Variants in PDCD11 observed in about 807,000 individuals in gnomAD.
PDCD11 encodes the protein programmed cell death 11, also known as protein RRP5 homolog.
Under a neutral mutation model 198.9 loss-of-function variants are expected in PDCD11, and 97 were observed. The ratio of observed to expected loss-of-function variants is 0.49; its 90% CI spans 0.41 to 0.58. PDCD11 has a LOEUF of 0.58. Ranked by LOEUF, PDCD11 falls within the 20% of genes least tolerant of loss-of-function variation. PDCD11 has a pLI of 0.00. For synonymous variants in PDCD11, 893 were observed against 918.0 expected (o/e 0.97, Z 0.49); for missense variants, 2,102 against 2,312.7 (o/e 0.91, Z 1.87).
intron 21 of PDCD11, among the ~76,000 whole-genome samples, chr10:103,428,548 A>T (rs1033764274): frequency 1.3e-5 from 2 of 152,232 alleles, no homozygotes; most frequent in African/African-American, 4.8e-5. Flanking sequence ...TTCAGCCTGC[A>T]GTATCTTCAA....
chr10:103,407,021 A>G (rs2030497152), intron 7 of PDCD11, among the ~76,000 whole-genome samples: 2 of 152,328 alleles, frequency 1.3e-5, no homozygotes, highest in South Asian at 2.1e-4. Flanking sequence ...CTAAAATGTG[A>G]CTGCTAGAAA....
At chr10:103,439,717 C>T in intron 27 of PDCD11, 29 bp from the exon 28 acceptor site, 1 of 1,614,036 alleles carries the variant, frequency 6.2e-7, no homozygotes. Context: ...GCATTTGTGA[C>T]CACAGGACTC....
intron 9 of PDCD11, 89 bp from the exon 10 acceptor site, chr10:103,413,877 A>G: frequency 8.0e-7 from 1 of 1,243,232 alleles, no homozygotes; most frequent in Middle Eastern, 2.1e-4. Flanking sequence ...GGTACATGAT[A>G]AGTGTTGAGT....
chr10:103,408,775 G>T (rs12219609), intron 7 of PDCD11, among the ~76,000 whole-genome samples: 2 of 151,932 alleles, frequency 1.3e-5, no homozygotes, highest in South Asian at 2.1e-4. Context: ...CCTGAGCTCA[G>T]GTGGTCCACC....
Position 103,403,160 on chromosome 10 carries a change from G to T in PDCD11, c.277G>T (p.Val93Leu), listed in dbSNP as rs200821951. The part of the protein sequence containing the change: ...GMRILGCVKE[V>L]NELELVISLP... ...GCGTATTTTGGGTTGCGTGAAAGAG[G>T]TGAATGAACTGGAACTGGTGATTAG... The change falls in exon 4 of 36, where the codon GTG becomes TTG. Residue 93 changes from valine to leucine, a missense_variant. Coordinates refer to ENST00000369797, the MANE Select transcript of PDCD11 (RefSeq NM_014976.2). 421 of 1,614,050 alleles carry T rather than the reference G, an allele frequency of 2.6e-4. 1 individual carries two copies. Among genetic ancestry groups the T allele is most frequent in the Non-Finnish European group, 3.4e-4 (402 of 1,180,032 alleles).
At position 103,434,385 on chromosome 10, in the gene PDCD11, G is replaced by A. The variant is rs1474204169; in HGVS notation, c.3667+35G>A. The A allele has an allele frequency of 7.3e-6, 10 of 1,371,274 alleles. No individual in the cohort carries two copies. In the Admixed American group the frequency reaches 1.7e-4, roughly 23 times the overall value. The allele number at this position is 1,371,274 out of a possible 1,614,324, so 84.9% of individuals were successfully genotyped here. On this transcript the variant is annotated intron_variant, in intron 24 of 35. Coordinates refer to ENST00000369797, the MANE Select transcript of PDCD11 (RefSeq NM_014976.2). ...TGAAACAGTGCCTGGTCGGGGAAGG[G>A]GAGCGGCAGGAAGGGGTGGGATGGG...
At chr10:103,445,021 G>A (rs755286236) in intron 35 of PDCD11, among the ~76,000 whole-genome samples, 1 of 152,206 alleles carries the variant, frequency 6.6e-6, no homozygotes, top group Admixed American at 6.5e-5. Context: ...GTTTAGAGAT[G>A]AGTAGACTGA....
At chr10:103,422,951 A>G (rs911658535) in intron 17 of PDCD11, 37 bp from the exon 18 acceptor site, 7 of 1,420,940 alleles carry the variant, frequency 4.9e-6, no homozygotes, top group Non-Finnish European at 5.6e-6. Flanking sequence ...GAGTTCTTTC[A>G]TGGTACTAAT....
chr10:103,413,998 C>A lies in PDCD11; in HGVS notation c.1218C>A (p.Phe406Leu), dbSNP rs1452916244. 1.2e-5 allele frequency: 20 copies of A among 1,613,160 alleles called. No homozygotes were observed. Among genetic ancestry groups the A allele is most frequent in the Non-Finnish European group, 1.7e-5 (20 of 1,179,726 alleles). The change falls in exon 10 of 36, where the codon TTC (phenylalanine) becomes TTA (leucine). Residue 406 changes from phenylalanine (F) to leucine (L), a missense_variant. Physicochemically the swap from Phe to Leu is conservative, Grantham distance 22 (BLOSUM62 0). Transcript: ENST00000369797. Reference protein sequence around the residue: ...LSHLSDSKNVFNPEAFKPGNT... With the variant: ...LSHLSDSKNVLNPEAFKPGNT... Reference sequence around the variant, plus strand: ...ATCTCTCTGATTCTAAGAACGTCTTCAATCCTGAGGCCTTCAAGCCAGGGA... The same window carrying A: ...ATCTCTCTGATTCTAAGAACGTCTTAAATCCTGAGGCCTTCAAGCCAGGGA...
At position 103,419,698 on chromosome 10, in the gene PDCD11, C is replaced by T. The variant is rs748169961; in HGVS notation, c.2267C>T (p.Ala756Val). 1.2e-5 allele frequency: 20 copies of T among 1,613,506 alleles called. No homozygotes were observed. In the East Asian group the frequency reaches 3.6e-4, roughly 29 times the overall value. The change falls in exon 16 of 36, where the codon GCC (alanine) becomes GTC (valine). Residue 756 changes from alanine (A) to valine (V), a missense_variant. Ala to Val is a moderately conservative substitution (Grantham distance 64, BLOSUM62 0). Coordinates refer to ENST00000369797, the MANE Select transcript of PDCD11 (RefSeq NM_014976.2). ...TTCCCCTCAGGTCTTAGCGGACTGG[C>T]CCCAAAAGCTGTAAGTTCAACTCCA... ...IQFPSGLSGL[A>V]PKAIMSDKFV...
chr10:103,444,502 G>A lies in PDCD11; in HGVS notation c.5279-15G>A. ...TGTCTGCTTGTTGGGTCTCTGAGCA[G>A]TCCTCTCCCTGCAGATGTGGATGTC... On this transcript the variant is annotated splice_polypyrimidine_tract_variant and intron_variant, in intron 34 of 35. Coordinates refer to ENST00000369797, the MANE Select transcript of PDCD11 (RefSeq NM_014976.2). The A allele has an allele frequency of 1.2e-6, 2 of 1,613,612 alleles. No homozygotes were observed. The highest frequency in any genetic ancestry group is 1.7e-6 in the Non-Finnish European group (2 of 1,179,622).
Position 103,423,103 on chromosome 10 carries a change from C to A in PDCD11, c.2613C>A (p.Asp871Glu). The A allele has an allele frequency of 6.3e-7, 1 of 1,596,390 alleles. No individual in the cohort carries two copies. The highest frequency in any genetic ancestry group is 2.3e-5 in the East Asian group (1 of 43,956). Residue 871 changes from aspartate (D) to glutamate (E), a missense_variant, in exon 18 of 36, where the codon GAC (aspartate) becomes GAA (glutamate). Physicochemically the swap from Asp to Glu is conservative, Grantham distance 45. Transcript: ENST00000369797. ...SVVFSGGPVP[D>E]LVLKASRYHR... Reference sequence around the variant, plus strand: ...TATTCAGTGGGGGTCCAGTGCCCGACCTGGTCCTGAAAGCCAGCAGATACC... The same window carrying A: ...TATTCAGTGGGGGTCCAGTGCCCGAACTGGTCCTGAAAGCCAGCAGATACC...
Position 103,425,033 on chromosome 10 carries a change from C to G in PDCD11, c.2813C>G (p.Ser938Cys). The G allele has an allele frequency of 6.2e-7, 1 of 1,614,238 alleles. No individual in the cohort carries two copies. The highest frequency in any genetic ancestry group is 8.5e-7 in the Non-Finnish European group (1 of 1,180,038). The change falls in exon 20 of 36, where the codon TCC (serine) becomes TGC (cysteine). Residue 938 changes from serine to cysteine, a missense_variant. Physicochemically the swap from Ser to Cys is moderately radical, Grantham distance 112. Coordinates refer to ENST00000369797, the MANE Select transcript of PDCD11 (RefSeq NM_014976.2). The part of the protein sequence containing the change: ...HQAIVQHLEK[S>C]FAIASLVETG... ...GCGATTGTGCAGCACTTGGAGAAGT[C>G]CTTTGCCATTGCCTCCTTGGTAGAG...
Position 103,416,702 on chromosome 10 carries a change from A to G in PDCD11, c.1730A>G (p.Glu577Gly). 6.2e-7 allele frequency: 1 copy of G among 1,614,192 alleles called. No homozygotes were observed. The highest frequency in any genetic ancestry group is 8.5e-7 in the Non-Finnish European group (1 of 1,180,028). ...GTGCCCAAGCATGAGCTCAGTACTG[A>G]GTATATCCCTGACCCGGAGAGAGTT... ...GLVPKHELSTEYIPDPERVFY... is the reference protein window; with the variant it reads ...GLVPKHELSTGYIPDPERVFY... Residue 577 changes from glutamate (E) to glycine (G), a missense_variant, in exon 13 of 36, where the codon GAG (glutamate) becomes GGG (glycine). Transcript: ENST00000369797.
chr10:103,412,938 A>G (rs1478981882), intron 8 of PDCD11, among the ~76,000 whole-genome samples, 178 bp from the exon 9 acceptor site: 2 of 152,124 alleles, frequency 1.3e-5, no homozygotes, highest in Admixed American at 6.6e-5. Context: ...TCCCTATGGG[A>G]CATTTTGATT....
intron 27 of PDCD11, 83 bp downstream of exon 27, chr10:103,438,891 A>C (rs1157044878): frequency 1.4e-6 from 2 of 1,443,226 alleles, no homozygotes; most frequent in Non-Finnish European, 9.6e-7. Flanking sequence ...TTCCTCGGTC[A>C]ACTTCTTTGA....
At chr10:103,433,918 G>C (rs1272308789) in intron 22 of PDCD11, 30 bp from the exon 23 acceptor site, 1 of 1,520,976 alleles carries the variant, frequency 6.6e-7, no homozygotes, top group African/African-American at 1.4e-5. Flanking sequence ...ATTTGTATTT[G>C]CCCTACTCTG....
chr10:103,429,700 AACATGC>A (rs1242237359), intron 21 of PDCD11, among the ~76,000 whole-genome samples: 8 of 152,196 alleles, frequency 5.3e-5, no homozygotes, highest in Non-Finnish European at 1.2e-4. Context: ...TACCTGAAAC[AACATGC>A]ATTGTTAACT....
Position 103,409,567 on chromosome 10 carries a change from T to TAGGAAGAA in PDCD11, c.871-131_871-130insGGAAGAAA. 13 of 637,950 alleles carry TAGGAAGAA rather than the reference T, an allele frequency of 2.0e-5. No homozygotes were observed. In the South Asian group the frequency reaches 2.4e-4, roughly 12 times the overall value. The allele number at this position is 637,950 out of a possible 1,614,324, so 39.5% of individuals were successfully genotyped here. The stretch of plus-strand genomic sequence containing the variant: ...TATTTGTATAGGAAGAAAAGATTGT[T>TAGGAAGAA]AAGAGTTACCTGGGAGAGGAGAGAT... On this transcript the variant is annotated intron_variant, in intron 7 of 35. Coordinates refer to ENST00000369797, the MANE Select transcript of PDCD11 (RefSeq NM_014976.2).
Sources: gnomAD v4.1 joint callset for allele counts (sites outside exome capture counted in the v4.1 genomes callset) on GRCh38, gnomAD v4.1.1 for gene constraint, MANE v1.5 for transcripts, NCBI Gene and HGNC (gene_info 2026-07-23, HGNC 2026-07-21) for gene names.